The following THOC3 variants were observed in gnomAD, a reference collection of about 807,000 sequenced individuals.
THOC3 encodes the protein TEX1 homolog.
Under a neutral mutation model 23.3 loss-of-function variants are expected in THOC3, and 4 were observed. The observed-to-expected ratio is 0.17, with a 90% confidence interval of 0.08 to 0.39. The LOEUF is 0.39. Among genes scored for constraint, THOC3 ranks in the 10% least tolerant of loss-of-function variants. THOC3 has a pLI of 1.00. For synonymous variants in THOC3, 27 were observed against 141.5 expected (o/e 0.19, Z 5.74); for missense variants, 64 against 359.4 (o/e 0.18, Z 6.65).
At chr5:175,965,672 G>A (rs1474897417) in intron 2 of THOC3, among the ~76,000 whole-genome samples, 6 of 152,196 alleles carry the variant, frequency 3.9e-5, no homozygotes, top group Admixed American at 1.3e-4. Flanking sequence ...TGATCCGCCC[G>A]CCTCGGCCTC....
At chr5:175,965,689 T>C (rs564021152) in intron 2 of THOC3, among the ~76,000 whole-genome samples, 181 of 152,304 alleles carry the variant, frequency 1.2e-3, no homozygotes, top group Admixed American at 2.4e-3. Flanking sequence ...CCTCCCAAAG[T>C]GCTGGGATTA....
intron 3 of THOC3, among the ~76,000 whole-genome samples, chr5:175,964,118 A>T (rs976563866): frequency 6.6e-6 from 1 of 152,308 alleles, no homozygotes; most frequent in Admixed American, 6.5e-5. Flanking sequence ...ATTTACTAAG[A>T]TCCTACTACG....
chr5:175,965,311 T>G, intron 2 of THOC3, 156 bp from the exon 3 acceptor site: 1 of 1,364,530 alleles, frequency 7.3e-7, no homozygotes, highest in Non-Finnish European at 1.0e-6. Flanking sequence ...GATTCAACAA[T>G]AAGTCCAGAA....
At chr5:175,962,627 C>T (rs1247375005) in intron 3 of THOC3, among the ~76,000 whole-genome samples, 2 of 144,618 alleles carry the variant, frequency 1.4e-5, no homozygotes, top group Non-Finnish European at 3.0e-5. Flanking sequence ...CGGGTTCAAG[C>T]GATTCTCCTG....
chr5:175,962,937 C>CA (rs1259465013), intron 3 of THOC3, among the ~76,000 whole-genome samples: 1 of 151,698 alleles, frequency 6.6e-6, no homozygotes, highest in Non-Finnish European at 1.5e-5. Flanking sequence ...GGGATTATGT[C>CA]AAAAAAGGTC....
intron 5 of THOC3, chr5:175,960,471 A>G (rs1184920171): frequency 1.1e-5 from 3 of 272,672 alleles, no homozygotes; most frequent in African/African-American, 6.7e-5. Flanking sequence ...CATTCTTTAC[A>G]TAGTGGAATT....
chr5:175,963,045 T>C (rs1581129539), intron 3 of THOC3, among the ~76,000 whole-genome samples: 6 of 152,368 alleles, frequency 3.9e-5, no homozygotes, highest in African/African-American at 2.4e-5. Context: ...ACACCAACTA[T>C]GTTTAAAAAC....
chr5:175,962,421 T>C (rs73803461), intron 3 of THOC3, among the ~76,000 whole-genome samples: 12,910 of 36,548 alleles, frequency 0.35, 2,457 homozygotes, highest in East Asian at 0.54. Context: ...TATATATATA[T>C]ACACACACAC....
At chr5:175,965,477 T>C (rs1252627498) in intron 2 of THOC3, among the ~76,000 whole-genome samples, 1 of 152,280 alleles carries the variant, frequency 6.6e-6, no homozygotes. Flanking sequence ...CACAGAGCTA[T>C]GAAGTGGCGC....
At chr5:175,965,488 A>G (rs1323114094) in intron 2 of THOC3, among the ~76,000 whole-genome samples, 8 of 151,998 alleles carry the variant, frequency 5.3e-5, no homozygotes, top group African/African-American at 9.6e-5. Flanking sequence ...GAAGTGGCGC[A>G]ATCTCGGCTC....
At chr5:175,963,100 A>G (rs1756697680) in intron 3 of THOC3, among the ~76,000 whole-genome samples, 1 of 152,252 alleles carries the variant, frequency 6.6e-6, no homozygotes, top group Non-Finnish European at 1.5e-5. Context: ...CTAACTGCTC[A>G]TCTTTGGAGG....
At chr5:175,965,949 T>A (rs527252173) in intron 2 of THOC3, among the ~76,000 whole-genome samples, 258 of 152,358 alleles carry the variant, frequency 1.7e-3, no homozygotes, top group Non-Finnish European at 2.8e-3. Flanking sequence ...TCCAGCACTT[T>A]GGGAGGCCAA....
At chr5:175,962,066 C>G (rs1249043407) in intron 3 of THOC3, among the ~76,000 whole-genome samples, 112 of 151,518 alleles carry the variant, frequency 7.4e-4, no homozygotes, top group African/African-American at 2.7e-3. Flanking sequence ...TATGTAACAT[C>G]TGCACATGCT....
At position 175,965,943 on chromosome 5, in the gene THOC3, G is replaced by A. The variant is rs1466283996; in HGVS notation, c.425-788C>T. ...GTGGAGGCTCAAGCCTGTAATTCCA[G>A]CACTTTGGGAGGCCAAGGTAGGCAG... On this transcript the variant is annotated intron_variant, in intron 2 of 5. Transcript: ENST00000265097. Among the ~76,000 whole-genome samples, 6 of 152,376 alleles carry A rather than the reference G, an allele frequency of 3.9e-5. No individual in the cohort carries two copies. In the East Asian group the frequency reaches 1.2e-3, roughly 29 times the overall value.
intron 3 of THOC3, among the ~76,000 whole-genome samples, chr5:175,963,413 G>A (rs1253040835): frequency 1.3e-5 from 2 of 152,016 alleles, no homozygotes; most frequent in Non-Finnish European, 2.9e-5. Flanking sequence ...TCTAGGGGCT[G>A]CACATGTGGT....
In THOC3 at chr5:175,965,016, G is replaced by T; in HGVS notation, c.564C>A (p.Ile188=). Residue 188 remains isoleucine (I), a synonymous_variant, in exon 3 of 6, where the codon ATC becomes ATA. Transcript: ENST00000265097. ...EEQFKFEVNE[I]SWNNDNNMFF... is the part of the protein sequence containing the mutation. The stretch of plus-strand genomic sequence containing the variant: ...ACATATTATTGTCATTGTTCCAGGA[G>T]ATTTCGTTGACCTCGAACTTGAACT... 2 of 1,484,922 alleles carry T rather than the reference G, an allele frequency of 1.3e-6. No individual in the cohort carries two copies. Among genetic ancestry groups the T allele is most frequent in the East Asian group, 2.3e-5 (1 of 44,178 alleles). 92.0% of individuals were successfully genotyped at this position (1,484,922 alleles called of 1,614,324 possible). A position where few individuals can be genotyped will look rare whatever the true frequency, so the allele number is the denominator to read the frequency against.
intron 1 of THOC3, 117 bp from the exon 2 acceptor site, chr5:175,967,384 AATCCAG>A (rs1756786402): frequency 2.2e-6 from 1 of 454,246 alleles, no homozygotes; most frequent in Non-Finnish European, 3.9e-6. Context: ...GGTAATTCAG[AATCCAG>A]TTCCTCCAAG....
At chr5:175,967,469 A>G (rs1219026083) in intron 1 of THOC3, 1 of 288,766 alleles carries the variant, frequency 3.5e-6, no homozygotes, top group East Asian at 5.7e-5. Context: ...CTATGCCCTT[A>G]CTTTTGTGCC....
At chr5:175,962,128 GCAAAAAC>G (rs1561589012) in intron 3 of THOC3, among the ~76,000 whole-genome samples, 1 of 151,952 alleles carries the variant, frequency 6.6e-6, no homozygotes, top group Non-Finnish European at 1.5e-5. Flanking sequence ...AAGAGTATAT[GCAAAAAC>G]CAAAAACATT....
Sources: gnomAD v4.1 joint callset for allele counts (sites outside exome capture counted in the v4.1 genomes callset) on GRCh38, gnomAD v4.1.1 for gene constraint, MANE v1.5 for transcripts, NCBI Gene and HGNC (gene_info 2026-07-23, HGNC 2026-07-21) for gene names.